The following GOLM1 variants were observed in gnomAD, a reference collection of about 807,000 sequenced individuals.
GOLM1 encodes the protein epididymis luminal protein 46.
A neutral mutation model predicts 50.5 loss-of-function variants in GOLM1; 31 were observed. The observed-to-expected ratio is 0.61, with a 90% CI of 0.46 to 0.83. The LOEUF (loss-of-function observed/expected upper bound fraction) is 0.83. GOLM1 is among the 40% of genes least tolerant of loss of function. The pLI, the probability that GOLM1 is intolerant of heterozygous loss-of-function variation, is 0.00. For synonymous variants in GOLM1, 178 were observed against 192.8 expected (o/e 0.92, Z 0.64); for missense variants, 491 against 501.3 (o/e 0.98, Z 0.20).
rs373948424 is a variant in GOLM1 at position 86,046,451 on chromosome 9, C to T, written c.467+19G>A. The T allele has an allele frequency of 1.5e-4, 223 of 1,461,538 alleles. No homozygotes were observed. Among genetic ancestry groups the T allele is most frequent in the Admixed American group, 1.8e-4 (11 of 59,696 alleles). The allele number at this position is 1,461,538 out of a possible 1,614,324, so 90.5% of individuals were successfully genotyped here. A position where few individuals can be genotyped will look rare whatever the true frequency, so the allele number is the denominator to read the frequency against. ...GCCGTGCACCCTGCACTGTGGCACG[C>T]GCTCTGAGGTGTACTCACAGGTCGT... On this transcript the variant is annotated intron_variant, in intron 5 of 9. Coordinates refer to ENST00000388712, the MANE Select transcript of GOLM1 (RefSeq NM_016548.4).
At chr9:86,035,340 AC>A in intron 8 of GOLM1, 27 bp downstream of exon 8, 6 of 1,606,160 alleles carry the variant, frequency 3.7e-6, no homozygotes, top group Non-Finnish European at 5.1e-6. Context: ...AAGGGAGTCC[AC>A]AGCGGCCCCC....
At chr9:86,049,358 T>C (rs1833662467) in intron 4 of GOLM1, among the ~76,000 whole-genome samples, 1 of 152,232 alleles carries the variant, frequency 6.6e-6, no homozygotes, top group Admixed American at 6.5e-5. Context: ...ATGTGGGCTC[T>C]TTTTTGGTTC....
intron 3 of GOLM1, among the ~76,000 whole-genome samples, chr9:86,069,546 T>C (rs150801969): frequency 5.9e-5 from 9 of 152,318 alleles, no homozygotes; most frequent in African/African-American, 2.2e-4. Flanking sequence ...CTGCAGGATT[T>C]GGTTCAGATT....
intron 8 of GOLM1, chr9:86,035,067 G>A (rs1833091559): frequency 2.0e-6 from 2 of 985,310 alleles, no homozygotes; most frequent in Non-Finnish European, 2.4e-6. Context: ...TGGCCTGCCT[G>A]CCAGGAGGGG....
chr9:86,051,405 G>T (rs188734853), intron 4 of GOLM1, among the ~76,000 whole-genome samples: 3 of 152,014 alleles, frequency 2.0e-5, no homozygotes, highest in East Asian at 3.9e-4. Flanking sequence ...CTGAGTTCAA[G>T]TCCTGGATAT....
In GOLM1 at chr9:86,026,730, G is replaced by A; in HGVS notation, c.*1087C>T. The stretch of plus-strand genomic sequence containing the variant: ...ACTCAAGTCAAACCTTAATGCCATT[G>A]TTATTGTGAATTAGGATTAAGTAGT... On this transcript the variant is annotated 3_prime_UTR_variant, in exon 10 of 10. Transcript: ENST00000388712. The A allele has an allele frequency of 1.0e-6, 1 of 981,800 alleles. No individual in the cohort carries two copies. 60.8% of individuals were successfully genotyped at this position (981,800 alleles called of 1,614,324 possible).
rs77573099 is a variant in GOLM1 at position 86,072,726 on chromosome 9, G to C, written c.309+4686C>G. Among the ~76,000 whole-genome samples the C allele has an allele frequency of 1.7e-3, 260 of 152,324 alleles. 2 individuals are homozygous for C. In the East Asian group the frequency reaches 0.027, roughly 16 times the overall value. On this transcript the variant is annotated intron_variant, in intron 3 of 9. Transcript: ENST00000388712. ...TTGCTTAATGATGGGGATAGGCTCT[G>C]AGAAATGCATCATTATGAGATTTTG...
At chr9:86,090,852 C>A (rs193043597) in intron 1 of GOLM1, among the ~76,000 whole-genome samples, 1,637 of 151,576 alleles carry the variant, frequency 0.011, 15 homozygotes, top group Non-Finnish European at 0.016. Flanking sequence ...AAATGGCCGC[C>A]CAGTTTTGTG....
At chr9:86,098,852 G>A (rs939115897) in intron 1 of GOLM1, among the ~76,000 whole-genome samples, 2 of 152,160 alleles carry the variant, frequency 1.3e-5, no homozygotes, top group Non-Finnish European at 2.9e-5. Context: ...CGCGGCGGGA[G>A]GACCCGGAGC....
intron 2 of GOLM1, among the ~76,000 whole-genome samples, chr9:86,078,633 C>A (rs745390090): frequency 6.6e-6 from 1 of 152,108 alleles, no homozygotes; most frequent in Non-Finnish European, 1.5e-5. Flanking sequence ...GTCAAGAAGA[C>A]GGCTCAGAAG....
intron 3 of GOLM1, among the ~76,000 whole-genome samples, chr9:86,067,490 A>G (rs1387141941): frequency 6.6e-6 from 1 of 152,246 alleles, no homozygotes; most frequent in African/African-American, 2.4e-5. Flanking sequence ...GTGGTAGTTT[A>G]AAAACATTAC....
intron 1 of GOLM1, among the ~76,000 whole-genome samples, chr9:86,090,034 G>GA (rs1198535334): frequency 6.6e-6 from 1 of 152,102 alleles, no homozygotes; most frequent in East Asian, 1.9e-4. Flanking sequence ...GAGTTTGCTG[G>GA]AGGTCCACTC....
Position 86,027,167 on chromosome 9 carries a change from T to G in GOLM1, c.*650A>C. The stretch of plus-strand genomic sequence containing the variant: ...AAATTCTAAGCCACTTAATAGCGTT[T>G]TGTACATTAAAAATGACAAGGGTTA... On this transcript the variant is annotated 3_prime_UTR_variant, in exon 10 of 10. Coordinates refer to ENST00000388712, the MANE Select transcript of GOLM1 (RefSeq NM_016548.4). The G allele has an allele frequency of 5.1e-6, 5 of 985,440 alleles. No individual in the cohort carries two copies. The highest frequency in any genetic ancestry group is 4.8e-6 in the Non-Finnish European group (4 of 829,914). The allele number at this position is 985,440 out of a possible 1,614,324, so 61.0% of individuals were successfully genotyped here.
chr9:86,072,766 T>C (rs1338873288), intron 3 of GOLM1, among the ~76,000 whole-genome samples: 1 of 152,226 alleles, frequency 6.6e-6, no homozygotes, highest in East Asian at 1.9e-4. Flanking sequence ...TGTGTAACCA[T>C]CATAGAATGC....
chr9:86,067,251 G>A (rs1009238473), intron 3 of GOLM1, among the ~76,000 whole-genome samples: 22 of 152,114 alleles, frequency 1.4e-4, no homozygotes, highest in Non-Finnish European at 2.8e-4. Flanking sequence ...ATCAGCCTGT[G>A]TTAACAACAT....
At chr9:86,098,303 A>C (rs1835413667) in intron 1 of GOLM1, among the ~76,000 whole-genome samples, 1 of 152,210 alleles carries the variant, frequency 6.6e-6, no homozygotes. Flanking sequence ...AGAAGCTAGG[A>C]TGCCTTTGGA....
chr9:86,027,536 GAAGGAGAACTAT>G lies in GOLM1; in HGVS notation c.*269_*280del, dbSNP rs1172085248. On this transcript the variant is annotated 3_prime_UTR_variant, in exon 10 of 10. Coordinates refer to ENST00000388712, the MANE Select transcript of GOLM1 (RefSeq NM_016548.4). ...GGAAGCCCCGCTGTCGCCAACACTT[GAAGGAGAACTAT>G]GTTCCAGTTTTGGTGTTGAACTTCT... 2.5e-6 allele frequency: 3 copies of G among 1,222,446 alleles called. No homozygotes were observed. The highest frequency in any genetic ancestry group is 3.1e-6 in the Non-Finnish European group (3 of 978,804). The allele number at this position is 1,222,446 out of a possible 1,614,324, so 75.7% of individuals were successfully genotyped here.
At chr9:86,034,590 T>C (rs1833077820) in intron 8 of GOLM1, among the ~76,000 whole-genome samples, 1 of 152,174 alleles carries the variant, frequency 6.6e-6, no homozygotes, top group Non-Finnish European at 1.5e-5. Flanking sequence ...CAGGGATACT[T>C]AGGGGGAGGC....
At chr9:86,079,164 A>G (rs759355668) in intron 2 of GOLM1, 28 bp downstream of exon 2, 70 of 1,490,158 alleles carry the variant, frequency 4.7e-5, no homozygotes, top group Non-Finnish European at 6.1e-5. Flanking sequence ...AACATAAAAT[A>G]AACATAACAA....
Sources: allele counts gnomAD v4.1 joint callset (sites outside exome capture counted in the v4.1 genomes callset), GRCh38; gene constraint gnomAD v4.1.1; transcripts MANE v1.5; gene names NCBI Gene and HGNC (gene_info 2026-07-23, HGNC 2026-07-21).